Variants in NTRK1 observed in about 807,000 individuals in gnomAD.
The protein encoded by NTRK1 is high affinity nerve growth factor receptor.
NTRK1 carries 62 observed loss-of-function variants against 86.8 expected under a neutral mutation model. That is an observed-to-expected ratio of 0.71 (90% CI 0.58 to 0.88). NTRK1 has a LOEUF of 0.88. Ranked by LOEUF, NTRK1 falls within the 40% of genes least tolerant of loss-of-function variation. The pLI, the probability that NTRK1 is intolerant of heterozygous loss-of-function variation, is 0.00. For synonymous variants in NTRK1, 469 were observed against 456.6 expected, an observed-to-expected ratio of 1.03 and a Z score of -0.35; for missense variants, 967 against 1,078.4, an observed-to-expected ratio of 0.90 and a Z score of 1.45.
intron 16 of NTRK1, among the ~76,000 whole-genome samples, chr1:156,881,155 T>G (rs1648232407): frequency 6.6e-6 from 1 of 152,132 alleles, no homozygotes; most frequent in South Asian, 2.1e-4. Flanking sequence ...GATAAATACC[T>G]CAGCCCCTCG....
At chr1:156,857,157 C>CTGTGTTTG, upstream of NTRK1, among the ~76,000 whole-genome samples, 1 of 121,388 alleles carries the variant, frequency 8.2e-6, no homozygotes, top group East Asian at 2.3e-4. Flanking sequence ...TGCCCAGCAG[C>CTGTGTTTG]TGTGTATGTG....
chr1:156,849,601 C>A (rs990010983), intron 2 of NTRK1: 11 of 642,774 alleles, frequency 1.7e-5, no homozygotes, highest in Non-Finnish European at 3.1e-5. Flanking sequence ...ACCAGCACAC[C>A]GGGGGCATTC....
chr1:156,828,900 G>A (rs958812449), intron 1 of NTRK1, among the ~76,000 whole-genome samples: 1 of 152,194 alleles, frequency 6.6e-6, no homozygotes, highest in Non-Finnish European at 1.5e-5. Flanking sequence ...CTGCTGTCAG[G>A]CCGGAATTAT....
chr1:156,878,862 G>A (rs1183398443), intron 14 of NTRK1, among the ~76,000 whole-genome samples: 1 of 152,124 alleles, frequency 6.6e-6, no homozygotes, highest in Non-Finnish European at 1.5e-5. Context: ...GTGGGCATCT[G>A]GAGTTCAAGG....
chr1:156,838,145 C>G (rs541786854), intron 1 of NTRK1, among the ~76,000 whole-genome samples: 117 of 152,176 alleles, frequency 7.7e-4, no homozygotes, highest in Admixed American at 2.0e-3. Flanking sequence ...ACCTCCTCCC[C>G]CAGGCCTCTG....
chr1:156,869,125 G>A (rs1417857228), intron 6 of NTRK1, among the ~76,000 whole-genome samples: 1 of 148,276 alleles, frequency 6.7e-6, no homozygotes, highest in Admixed American at 6.9e-5. Context: ...AGGCTGGAGT[G>A]CAGTGGCGCG....
intron 2 of NTRK1, chr1:156,842,211 C>T (rs982208257): frequency 6.2e-7 from 1 of 1,614,084 alleles, no homozygotes; most frequent in African/African-American, 1.3e-5. Flanking sequence ...ATGCCGTCTG[C>T]AATCTCACCA....
intron 3 of NTRK1, chr1:156,865,113 G>A: frequency 2.4e-6 from 1 of 419,530 alleles, no homozygotes; most frequent in Non-Finnish European, 4.5e-6. Flanking sequence ...AGCGGCAGGA[G>A]CAGGACTCCT....
At chr1:156,831,648 C>T (rs1347981868) in intron 1 of NTRK1, among the ~76,000 whole-genome samples, 2 of 152,112 alleles carry the variant, frequency 1.3e-5, no homozygotes, top group Non-Finnish European at 2.9e-5. Context: ...GCTTGGTATC[C>T]TGGTGGTCTC....
At chr1:156,839,317 G>T (rs939119502) in intron 1 of NTRK1, among the ~76,000 whole-genome samples, 17 of 152,274 alleles carry the variant, frequency 1.1e-4, no homozygotes, top group Admixed American at 6.5e-5. Context: ...AGAGTGTGTG[G>T]CATGTGTGTG....
chr1:156,845,568 CT>C, intron 2 of NTRK1: 1 of 1,504,548 alleles, frequency 6.6e-7, no homozygotes, highest in Non-Finnish European at 8.9e-7. Context: ...AGACCCGCCC[CT>C]CACAGGCCCC....
intron 1 of NTRK1, among the ~76,000 whole-genome samples, chr1:156,839,108 G>A (rs1323542623): frequency 1.3e-5 from 2 of 152,254 alleles, no homozygotes. Context: ...ATGCAGGGCA[G>A]GGGAGGGGTG....
In NTRK1 at chr1:156,867,086, G is replaced by C. The variant is rs375669946; in HGVS notation, c.428+108G>C. On this transcript the variant is annotated intron_variant, in intron 4 of 16. Coordinates refer to ENST00000524377, the MANE Select transcript of NTRK1 (RefSeq NM_002529.4). ...CACTGTGTCTGTGTGACACTGCTGGGGGGTCTCTTTGGGGACTATGTGCAT... is the reference window on the plus strand; with the variant it reads ...CACTGTGTCTGTGTGACACTGCTGGCGGGTCTCTTTGGGGACTATGTGCAT... 3 of 1,188,034 alleles carry C rather than the reference G, an allele frequency of 2.5e-6. No homozygotes were observed. The South Asian group carries it at 3.7e-5, about 15-fold the overall frequency. The allele number at this position is 1,188,034 out of a possible 1,614,324, so 73.6% of individuals were successfully genotyped here.
chr1:156,846,909 G>C lies in NTRK1; in HGVS notation c.50+4716G>C, dbSNP rs529632527. 1.9e-4 allele frequency: 120 copies of C among 648,224 alleles called. No homozygotes were observed. In the African/African-American group the frequency reaches 2.0e-3, roughly 11 times the overall value. The allele number at this position is 648,224 out of a possible 1,614,324, so 40.2% of individuals were successfully genotyped here. A position where few individuals can be genotyped will look rare whatever the true frequency, so the allele number is the denominator to read the frequency against. On this transcript the variant is annotated intron_variant, in intron 2 of 16. Coordinates refer to the NTRK1 transcript ENST00000392302. ...AGCCACCTGTTAGACCTTGGCAAGG[G>C]GGGGCGGAGGAGGGGAGGGACTGTG...
Position 156,861,107 on chromosome 1 carries a change from G to C in NTRK1, c.173G>C (p.Ser58Thr), listed in dbSNP as rs750159449. ...TGCACCCGGGATGGGGCCCTGGATA[G>C]CCTCCACCACCTGCCCGGCGCAGAG... is the stretch of plus-strand genomic sequence containing the variant. Reference protein sequence around the residue: ...LRCTRDGALDSLHHLPGAENL... With the variant: ...LRCTRDGALDTLHHLPGAENL... Residue 58 changes from serine to threonine, a missense_variant, in exon 1 of 17, where the codon AGC becomes ACC. Physicochemically the swap from Ser to Thr is moderately conservative, Grantham distance 58. Transcript: ENST00000524377. The C allele has an allele frequency of 1.3e-6, 2 of 1,584,978 alleles. No individual in the cohort carries two copies. Among genetic ancestry groups the C allele is most frequent in the South Asian group, 1.1e-5 (1 of 88,018 alleles).
chr1:156,816,061 G>C, intron 1 of NTRK1: 1 of 1,614,104 alleles, frequency 6.2e-7, no homozygotes. Flanking sequence ...GATCTGGAAG[G>C]TGCTGAAGGT....
At chr1:156,875,421 G>GC in intron 11 of NTRK1, 99 bp from the exon 12 acceptor site, 1 of 1,503,286 alleles carries the variant, frequency 6.7e-7, no homozygotes, top group Non-Finnish European at 9.2e-7. Flanking sequence ...TCTCTCCCCT[G>GC]CAAGTTACAA....
intron 13 of NTRK1, 37 bp from the exon 14 acceptor site, chr1:156,876,363 C>G (rs751640772): frequency 6.3e-5 from 101 of 1,612,790 alleles, no homozygotes; most frequent in Middle Eastern, 5.1e-4. Flanking sequence ...GAGGGCTCGG[C>G]CCCCAACTCA....
At chr1:156,844,806 C>T in intron 2 of NTRK1, 1 of 1,614,128 alleles carries the variant, frequency 6.2e-7, no homozygotes, top group Non-Finnish European at 8.5e-7. Flanking sequence ...TGCTGGAGGC[C>T]TCCCAGGCCA....
Sources: gnomAD v4.1 joint callset for allele counts (sites outside exome capture counted in the v4.1 genomes callset) on GRCh38, gnomAD v4.1.1 for gene constraint, MANE v1.5 for transcripts, NCBI Gene and HGNC (gene_info 2026-07-23, HGNC 2026-07-21) for gene names.